RHCE: variants seen among roughly 807,000 people sequenced by gnomAD.
RHCE encodes the protein blood group Rh(CE) polypeptide.
RHCE carries 22 observed loss-of-function variants against 43.8 expected under a neutral mutation model. The ratio of observed to expected loss-of-function variants is 0.50; its 90% CI spans 0.36 to 0.72. The LOEUF (loss-of-function observed/expected upper bound fraction) is 0.72. RHCE is among the 30% of genes least tolerant of loss of function. RHCE has a pLI of 0.00. For synonymous variants in RHCE, 156 were observed against 210.7 expected, an observed-to-expected ratio of 0.74 and a Z score of 2.25; for missense variants, 385 against 525.4, an observed-to-expected ratio of 0.73 and a Z score of 2.61.
chr1:25,388,022 T>A (rs1246272652), intron 6 of RHCE, among the ~76,000 whole-genome samples: 1 of 152,002 alleles, frequency 6.6e-6, no homozygotes, highest in African/African-American at 2.4e-5. Context: ...TTTCACCATG[T>A]TGGCCAGGCT....
chr1:25,398,734 G>C (rs575717681), intron 3 of RHCE: 2 of 1,601,142 alleles, frequency 1.2e-6, no homozygotes, highest in South Asian at 1.1e-5. Flanking sequence ...GCGGTTCTCT[G>C]GAGGCTGAGT....
At chr1:25,426,499 T>A (rs1386147094) in intron 2 of RHCE, among the ~76,000 whole-genome samples, 1 of 152,248 alleles carries the variant, frequency 6.6e-6, no homozygotes, top group African/African-American at 2.4e-5. Flanking sequence ...TGTTACTATG[T>A]GACCTTAGGC....
chr1:25,372,532 A>G (rs989020217), intron 8 of RHCE, among the ~76,000 whole-genome samples: 1 of 151,384 alleles, frequency 6.6e-6, no homozygotes, highest in Non-Finnish European at 1.5e-5. Flanking sequence ...AAAAAAAAAA[A>G]GAATTTCTCT....
intron 9 of RHCE, among the ~76,000 whole-genome samples, chr1:25,368,425 CT>C (rs1450936287): frequency 9.5e-6 from 1 of 105,000 alleles, no homozygotes; most frequent in African/African-American, 4.0e-5. Flanking sequence ...TCTAGTGCCC[CT>C]GCGTTTGTGT....
In RHCE at chr1:25,420,670, C is replaced by T. The variant is rs747863457; in HGVS notation, c.117G>A (p.Glu39=). The change falls in exon 1 of 10, where the codon GAG becomes GAA. Residue 39 remains glutamate (E), a synonymous_variant. Transcript: ENST00000294413. ...YFFTHYDASL[E]DQKGLVASYQ... is the part of the protein sequence containing the mutation. ...AGGATGCCACGAGCCCCTTTTGATCCTCTAAGGAAGCGTCATAGTGGGTAA... is the reference window on the plus strand; with the variant it reads ...AGGATGCCACGAGCCCCTTTTGATCTTCTAAGGAAGCGTCATAGTGGGTAA... The T allele has an allele frequency of 6.8e-6, 11 of 1,613,664 alleles. No individual in the cohort carries two copies. The highest frequency in any genetic ancestry group is 1.3e-5 in the African/African-American group (1 of 74,844).
intron 1 of RHCE, among the ~76,000 whole-genome samples, chr1:25,413,503 C>T (rs1326888933): frequency 3.9e-5 from 6 of 152,242 alleles, no homozygotes; most frequent in African/African-American, 1.2e-4. Context: ...ATGTCCTACC[C>T]GGGCGCCCAT....
chr1:25,429,479 T>C (rs760597161), intron 1 of RHCE, among the ~76,000 whole-genome samples: 4 of 152,194 alleles, frequency 2.6e-5, no homozygotes, highest in African/African-American at 4.8e-5. Context: ...AAAAATGCAC[T>C]GGAAGACTAA....
intron 3 of RHCE, 148 bp from the exon 4 acceptor site, chr1:25,392,289 C>T: frequency 7.3e-7 from 1 of 1,369,130 alleles, no homozygotes; most frequent in South Asian, 1.2e-5. Flanking sequence ...CCAGCCCAAC[C>T]CAGCAGGCTT....
intron 3 of RHCE, among the ~76,000 whole-genome samples, chr1:25,394,316 A>T (rs1002514567): frequency 6.6e-6 from 1 of 151,588 alleles, no homozygotes; most frequent in African/African-American, 2.4e-5. Flanking sequence ...CCATGTGCTG[A>T]CAATTCTAAA....
At chr1:25,405,222 G>A (rs565762691) in intron 2 of RHCE, among the ~76,000 whole-genome samples, 1 of 152,210 alleles carries the variant, frequency 6.6e-6, no homozygotes, top group African/African-American at 2.4e-5. Flanking sequence ...GCTAGGCGTG[G>A]TGGTGTGCAC....
intron 2 of RHCE, among the ~76,000 whole-genome samples, chr1:25,428,641 C>A (rs1488962625): frequency 6.6e-6 from 1 of 152,184 alleles, no homozygotes; most frequent in African/African-American, 2.4e-5. Flanking sequence ...GTCCTCCAAG[C>A]CTTAAAACAA....
At chr1:25,387,509 A>G (rs1646215451) in intron 6 of RHCE, among the ~76,000 whole-genome samples, 1 of 152,256 alleles carries the variant, frequency 6.6e-6, no homozygotes, top group African/African-American at 2.4e-5. Context: ...TAGTCCTGCC[A>G]GTGATGAAGT....
At chr1:25,425,808 T>C (rs1160547585), upstream of RHCE, among the ~76,000 whole-genome samples, 2 of 152,204 alleles carry the variant, frequency 1.3e-5, no homozygotes, top group Non-Finnish European at 2.9e-5. Context: ...GCTCAGTCAC[T>C]GGCAGTGACC....
rs1168607618 is a variant in RHCE at position 25,375,791 on chromosome 1, CTT to C, written c.1074-365_1074-364del. Among the ~76,000 whole-genome samples, 212 of 123,244 alleles carry C rather than the reference CTT, an allele frequency of 1.7e-3. 2 individuals are homozygous for C. Among genetic ancestry groups the C allele is most frequent in the African/African-American group, 7.4e-3 (184 of 24,946 alleles). 80.9% of individuals were successfully genotyped at this position (123,244 alleles called of 152,430 possible). A position where few individuals can be genotyped will look rare whatever the true frequency, so the allele number is the denominator to read the frequency against. On this transcript the variant is annotated intron_variant, in intron 7 of 9. Transcript: ENST00000294413. ...AGAGCCTCCAGTTTTCTCTCTCTCT[CTT>C]TTTTTTTTTTTTTTTTCTGTTTTTG... is the stretch of plus-strand genomic sequence containing the variant.
chr1:25,387,699 T>C (rs116517490), intron 6 of RHCE, among the ~76,000 whole-genome samples: 1,547 of 152,356 alleles, frequency 0.01, 28 homozygotes, highest in African/African-American at 0.035. Context: ...AATCGAAGTA[T>C]TGATACGTTT....
In RHCE at chr1:25,395,797, T is replaced by C. The variant is rs533289324; in HGVS notation, c.487-3656A>G. Among the ~76,000 whole-genome samples, 20 of 152,288 alleles carry C rather than the reference T, an allele frequency of 1.3e-4. No individual in the cohort carries two copies. The South Asian group carries it at 3.3e-3, about 25-fold the overall frequency. On this transcript the variant is annotated intron_variant, in intron 3 of 9. Transcript: ENST00000294413. Reference sequence around the variant, plus strand: ...TTCCTTACAGGAGAATGCCAACTATTGAAGGAAAGATGGAATTAGAAAACC... The same window carrying C: ...TTCCTTACAGGAGAATGCCAACTATCGAAGGAAAGATGGAATTAGAAAACC...
chr1:25,377,243 CT>C (rs1571840469), intron 7 of RHCE, among the ~76,000 whole-genome samples: 1 of 151,924 alleles, frequency 6.6e-6, no homozygotes, highest in African/African-American at 2.4e-5. Flanking sequence ...TATGCATGAC[CT>C]TGCAAATTTC....
intron 1 of RHCE, among the ~76,000 whole-genome samples, chr1:25,410,515 T>C (rs1044613252): frequency 3.6e-4 from 54 of 152,044 alleles, no homozygotes; most frequent in Admixed American, 3.3e-3. Flanking sequence ...CTGCAACCTC[T>C]GCCTCCCGGG....
intron 6 of RHCE, among the ~76,000 whole-genome samples, chr1:25,388,583 C>A (rs1031502730): frequency 7.9e-5 from 12 of 151,948 alleles, no homozygotes; most frequent in African/African-American, 2.9e-4. Flanking sequence ...AAAGACTACA[C>A]CCCACAATGT....
Sources: allele counts gnomAD v4.1 joint callset (sites outside exome capture counted in the v4.1 genomes callset), GRCh38; gene constraint gnomAD v4.1.1; transcripts MANE v1.5; gene names NCBI Gene and HGNC (gene_info 2026-07-23, HGNC 2026-07-21).